The following HCN1 variants were observed in gnomAD, a reference collection of about 807,000 sequenced individuals.
The protein encoded by HCN1 is potassium/sodium hyperpolarization-activated cyclic nucleotide-gated channel 1.
In HCN1, 13 loss-of-function variants were observed where a neutral mutation model predicts 78.9. The observed-to-expected ratio is 0.16, with a 90% CI of 0.11 to 0.26. HCN1 has a LOEUF of 0.26. Among genes scored for constraint, HCN1 ranks in the 10% least tolerant of loss-of-function variants. The pLI, the probability that HCN1 is intolerant of heterozygous loss-of-function variation, is 1.00. For missense variants in HCN1, 810 were observed against 1,154.3 expected, an observed-to-expected ratio of 0.70 and a Z score of 4.32; for synonymous variants, 552 against 455.5, an observed-to-expected ratio of 1.21 and a Z score of -2.70.
intron 6 of HCN1, among the ~76,000 whole-genome samples, chr5:45,281,957 A>T (rs1745178625): frequency 6.6e-6 from 1 of 152,056 alleles, no homozygotes; most frequent in South Asian, 2.1e-4. Flanking sequence ...ACATACAAAG[A>T]TATTCTTTCA....
chr5:45,648,718 C>A (rs1252550777), intron 1 of HCN1, among the ~76,000 whole-genome samples: 1 of 152,026 alleles, frequency 6.6e-6, no homozygotes, highest in Non-Finnish European at 1.5e-5. Context: ...TCCTTCTTTA[C>A]CTTAACTCTC....
chr5:45,334,741 G>C (rs551013818), intron 5 of HCN1, among the ~76,000 whole-genome samples: 1 of 151,860 alleles, frequency 6.6e-6, no homozygotes, highest in Non-Finnish European at 1.5e-5. Flanking sequence ...CAATATGCTC[G>C]GCACTGTGGC....
Position 45,417,211 on chromosome 5 carries a change from A to T in HCN1, c.1012-20501T>A, listed in dbSNP as rs543457492. On this transcript the variant is annotated intron_variant, in intron 3 of 7. Coordinates refer to ENST00000303230, the MANE Select transcript of HCN1 (RefSeq NM_021072.4). ...CTCACGGTATCTATTGAAAGTTGAC[A>T]TTTTTTTTGTCTCTAGGTGTACAAC... is the stretch of plus-strand genomic sequence containing the variant. Among the ~76,000 whole-genome samples, 32 of 151,824 alleles carry T rather than the reference A, an allele frequency of 2.1e-4. 1 individual carries two copies. The East Asian group carries it at 2.7e-3, about 13-fold the overall frequency.
intron 3 of HCN1, among the ~76,000 whole-genome samples, chr5:45,409,702 C>T (rs998071740): frequency 6.6e-6 from 1 of 151,838 alleles, no homozygotes; most frequent in East Asian, 1.9e-4. Context: ...AATAGTGGCA[C>T]ATTAAATATT....
At chr5:45,541,810 C>A (rs1285935764) in intron 2 of HCN1, among the ~76,000 whole-genome samples, 1 of 152,150 alleles carries the variant, frequency 6.6e-6, no homozygotes, top group East Asian at 1.9e-4. Flanking sequence ...ATAGAGAATT[C>A]ATGAAATGCA....
intron 2 of HCN1, among the ~76,000 whole-genome samples, chr5:45,580,464 C>T (rs1054079640): frequency 5.9e-5 from 9 of 152,090 alleles, no homozygotes; most frequent in Admixed American, 4.6e-4. Flanking sequence ...AGCCTACCTA[C>T]ATCTTGATTT....
intron 2 of HCN1, among the ~76,000 whole-genome samples, chr5:45,523,774 G>T (rs1742667100): frequency 6.6e-6 from 1 of 152,116 alleles, no homozygotes; most frequent in African/African-American, 2.4e-5. Context: ...TTTGTCAGAT[G>T]AATAGGTTGC....
chr5:45,374,604 A>T (rs1322753519), intron 4 of HCN1, among the ~76,000 whole-genome samples: 1 of 150,314 alleles, frequency 6.7e-6, no homozygotes, highest in Non-Finnish European at 1.5e-5. Context: ...TACTTAAACT[A>T]TTCCAAAAAC....
chr5:45,469,960 C>T (rs1212827002), intron 2 of HCN1, among the ~76,000 whole-genome samples: 4 of 152,020 alleles, frequency 2.6e-5, no homozygotes, highest in Non-Finnish European at 5.9e-5. Flanking sequence ...TCCCAGCCTC[C>T]TGTCACCATT....
At chr5:45,393,495 A>G (rs1739625510) in intron 4 of HCN1, among the ~76,000 whole-genome samples, 1 of 152,196 alleles carries the variant, frequency 6.6e-6, no homozygotes, top group Non-Finnish European at 1.5e-5. Flanking sequence ...AAATCAGTTT[A>G]AAAATAAAAG....
intron 1 of HCN1, among the ~76,000 whole-genome samples, chr5:45,690,377 T>A (rs1442122750): frequency 1.3e-5 from 2 of 152,038 alleles, no homozygotes; most frequent in Non-Finnish European, 2.9e-5. Flanking sequence ...ATCAATCTTA[T>A]CAAAGTTGGG....
intron 7 of HCN1, among the ~76,000 whole-genome samples, chr5:45,264,068 C>T (rs1220786012): frequency 6.6e-6 from 1 of 152,224 alleles, no homozygotes; most frequent in African/African-American, 2.4e-5. Flanking sequence ...GCTGGGATTA[C>T]AGGCGTGAGC....
At chr5:45,364,496 TA>T (rs1368420271) in intron 4 of HCN1, among the ~76,000 whole-genome samples, 1 of 152,048 alleles carries the variant, frequency 6.6e-6, no homozygotes, top group Non-Finnish European at 1.5e-5. Flanking sequence ...GTCTTCCCTT[TA>T]AACATCTACC....
chr5:45,553,676 C>T (rs1743419074), intron 2 of HCN1, among the ~76,000 whole-genome samples: 1 of 151,852 alleles, frequency 6.6e-6, no homozygotes, highest in Non-Finnish European at 1.5e-5. Flanking sequence ...ATAGTATTTG[C>T]ATATAACCTA....
chr5:45,650,968 T>A lies in HCN1; in HGVS notation c.426-5360A>T, dbSNP rs542316850. Among the ~76,000 whole-genome samples, 58 of 152,136 alleles carry A rather than the reference T, an allele frequency of 3.8e-4. 1 individual carries two copies. The South Asian group carries it at 0.012, about 32-fold the overall frequency. Reference sequence around the variant, plus strand: ...TAAAGCTTTAATGAGATTTAAATAATCGTCATACTTTACTACTACTAAAGG... The same window carrying A: ...TAAAGCTTTAATGAGATTTAAATAAACGTCATACTTTACTACTACTAAAGG... On this transcript the variant is annotated intron_variant, in intron 1 of 7. Coordinates refer to ENST00000303230, the MANE Select transcript of HCN1 (RefSeq NM_021072.4).
chr5:45,281,164 C>G (rs1193787652), intron 6 of HCN1, among the ~76,000 whole-genome samples: 1 of 152,122 alleles, frequency 6.6e-6, no homozygotes, highest in African/African-American at 2.4e-5. Context: ...CCACCCAAAT[C>G]TCATGTAGAA....
At chr5:45,389,448 T>G (rs1579862860) in intron 4 of HCN1, among the ~76,000 whole-genome samples, 1 of 152,258 alleles carries the variant, frequency 6.6e-6, no homozygotes, top group East Asian at 1.9e-4. Flanking sequence ...TGTAGTGCTT[T>G]CTATGAATCA....
At chr5:45,388,891 C>A (rs1429807455) in intron 4 of HCN1, among the ~76,000 whole-genome samples, 1 of 152,122 alleles carries the variant, frequency 6.6e-6, no homozygotes, top group Non-Finnish European at 1.5e-5. Context: ...AATATGTCCA[C>A]CCGCTAAAAT....
At chr5:45,619,728 T>C (rs1745021091) in intron 2 of HCN1, among the ~76,000 whole-genome samples, 1 of 152,204 alleles carries the variant, frequency 6.6e-6, no homozygotes, top group Admixed American at 6.5e-5. Flanking sequence ...TGGACTAAAC[T>C]TTAAGGACAA....
Sources: gnomAD v4.1 joint callset for allele counts (sites outside exome capture counted in the v4.1 genomes callset) on GRCh38, gnomAD v4.1.1 for gene constraint, MANE v1.5 for transcripts, NCBI Gene and HGNC (gene_info 2026-07-23, HGNC 2026-07-21) for gene names.